The following FAM135B variants were observed in gnomAD, a reference collection of about 807,000 sequenced individuals.
FAM135B encodes family with sequence similarity 135 member B.
FAM135B carries 43 observed loss-of-function variants against 127.7 expected under a neutral mutation model. That is an observed-to-expected ratio of 0.34 (90% CI 0.26 to 0.43). The LOEUF (loss-of-function observed/expected upper bound fraction) is 0.43, where lower values mean the gene tolerates loss of function less well. Ranked by LOEUF, FAM135B falls within the 20% of genes least tolerant of loss-of-function variation. The pLI is 1.00. For synonymous variants in FAM135B, 670 were observed against 665.1 expected (o/e 1.01, Z -0.11); for missense variants, 1,558 against 1,725.6 (o/e 0.90, Z 1.72).
chr8:138,459,370 T>A (rs1443780487), intron 1 of FAM135B: 1 of 152,002 alleles, frequency 6.6e-6, no homozygotes, highest in Admixed American at 6.6e-5. Context: ...GCAGGGACAA[T>A]TATAAATCTC....
intron 5 of FAM135B, among the ~76,000 whole-genome samples, chr8:138,253,987 T>C (rs1351060066): frequency 1.3e-5 from 2 of 152,216 alleles, no homozygotes; most frequent in Admixed American, 1.3e-4. Context: ...TGAAATCCCT[T>C]GCTCTGATTA....
intron 1 of FAM135B, among the ~76,000 whole-genome samples, chr8:138,480,949 T>C (rs1407330565): frequency 2.6e-5 from 4 of 152,210 alleles, no homozygotes; most frequent in African/African-American, 9.7e-5. Flanking sequence ...ATAAAACTGT[T>C]GTTAAGATTA....
intron 7 of FAM135B, among the ~76,000 whole-genome samples, chr8:138,206,500 TCGAC>T (rs1817641132): frequency 7.3e-5 from 11 of 150,854 alleles, no homozygotes; most frequent in Middle Eastern, 7.3e-3. Flanking sequence ...TATCATCCCC[TCGAC>T]CTACCCACAG....
At chr8:138,313,126 A>C (rs530684755) in intron 2 of FAM135B, among the ~76,000 whole-genome samples, 2 of 152,268 alleles carry the variant, frequency 1.3e-5, no homozygotes, top group Non-Finnish European at 2.9e-5. Context: ...AAAAGTTTTA[A>C]AATTATTCAT....
At chr8:138,433,399 G>A (rs938965663) in intron 1 of FAM135B, among the ~76,000 whole-genome samples, 1 of 76,530 alleles carries the variant, frequency 1.3e-5, no homozygotes, top group Admixed American at 1.6e-4. Context: ...GTACATGCCT[G>A]TAGTCCCAGC....
chr8:138,369,617 A>G (rs372536778), intron 1 of FAM135B, among the ~76,000 whole-genome samples: 5 of 152,186 alleles, frequency 3.3e-5, no homozygotes, highest in African/African-American at 7.2e-5. Context: ...CCAAAAACCC[A>G]TTTCCCAATG....
intron 1 of FAM135B, among the ~76,000 whole-genome samples, chr8:138,426,701 AT>A (rs947157782): frequency 6.6e-6 from 1 of 151,946 alleles, no homozygotes; most frequent in Non-Finnish European, 1.5e-5. Context: ...ATACTATTCT[AT>A]TAAGACAGGA....
chr8:138,210,324 T>C (rs1818041977), intron 7 of FAM135B, among the ~76,000 whole-genome samples: 1 of 152,180 alleles, frequency 6.6e-6, no homozygotes, highest in Non-Finnish European at 1.5e-5. Flanking sequence ...TATTGTGAGT[T>C]CTAAGATCTC....
intron 7 of FAM135B, among the ~76,000 whole-genome samples, chr8:138,228,349 G>A (rs7845202): frequency 0.11 from 17,012 of 152,020 alleles, 1,088 homozygotes; most frequent in Admixed American, 0.12. Context: ...ACTCCCCAGA[G>A]GATTGTGATG....
At chr8:138,275,048 G>T (rs911430622) in intron 3 of FAM135B, among the ~76,000 whole-genome samples, 1 of 152,178 alleles carries the variant, frequency 6.6e-6, no homozygotes, top group African/African-American at 2.4e-5. Flanking sequence ...CAAGGGTATT[G>T]ATTGGGGAAG....
intron 1 of FAM135B, among the ~76,000 whole-genome samples, chr8:138,495,019 T>C (rs1815339782): frequency 6.6e-6 from 1 of 152,192 alleles, no homozygotes; most frequent in African/African-American, 2.4e-5. Flanking sequence ...TGGACCAGAC[T>C]ACAGTGTTTC....
intron 1 of FAM135B, among the ~76,000 whole-genome samples, chr8:138,442,267 T>TATATATAC (rs1554694337): frequency 0.01 from 869 of 86,744 alleles, 70 homozygotes; most frequent in South Asian, 0.013. Flanking sequence ...TATATATATA[T>TATATATAC]ATATATATAT....
intron 1 of FAM135B, among the ~76,000 whole-genome samples, chr8:138,383,680 A>G (rs1187240006): frequency 6.6e-6 from 1 of 152,188 alleles, no homozygotes; most frequent in Non-Finnish European, 1.5e-5. Context: ...GCGGCAACTG[A>G]TGTTAAGGAA....
chr8:138,483,073 C>T (rs1176480967), intron 1 of FAM135B, among the ~76,000 whole-genome samples: 1 of 150,654 alleles, frequency 6.6e-6, no homozygotes, highest in African/African-American at 2.5e-5. Flanking sequence ...CAGGAACAAT[C>T]AATTTAAAAT....
At chr8:138,301,273 A>G (rs543304122) in intron 3 of FAM135B, among the ~76,000 whole-genome samples, 1 of 152,332 alleles carries the variant, frequency 6.6e-6, no homozygotes, top group African/African-American at 2.4e-5. Context: ...AATGCCAGGC[A>G]TCATACTTCA....
intron 3 of FAM135B, among the ~76,000 whole-genome samples, chr8:138,297,840 G>A (rs1213732581): frequency 1.3e-5 from 2 of 152,204 alleles, no homozygotes; most frequent in Non-Finnish European, 2.9e-5. Context: ...AGGGGGTCAG[G>A]ATGAAGCTCA....
At chr8:138,259,683 C>A (rs541009669) in intron 4 of FAM135B, among the ~76,000 whole-genome samples, 1 of 152,122 alleles carries the variant, frequency 6.6e-6, no homozygotes, top group Non-Finnish European at 1.5e-5. Flanking sequence ...CCTGGCTCTA[C>A]GACTTCCGGG....
At chr8:138,332,740 A>G (rs2131002312) in intron 2 of FAM135B, among the ~76,000 whole-genome samples, 1 of 152,208 alleles carries the variant, frequency 6.6e-6, no homozygotes, top group South Asian at 2.1e-4. Flanking sequence ...ACGCAACTCT[A>G]AACCATTTTG....
chr8:138,229,565 C>A (rs1819749683), intron 7 of FAM135B, among the ~76,000 whole-genome samples: 1 of 152,090 alleles, frequency 6.6e-6, no homozygotes, highest in Admixed American at 6.6e-5. Flanking sequence ...AAAAGGCAGC[C>A]TTTGTGGGCA....
Sources: allele counts gnomAD v4.1 joint callset (sites outside exome capture counted in the v4.1 genomes callset), GRCh38; gene constraint gnomAD v4.1.1; transcripts MANE v1.5; gene names NCBI Gene and HGNC (gene_info 2026-07-23, HGNC 2026-07-21).